The following HS6ST3 variants were observed in gnomAD, a reference collection of about 807,000 sequenced individuals.
HS6ST3 encodes the protein heparan-sulfate 6-O-sulfotransferase 3.
Under a neutral mutation model 36.7 loss-of-function variants are expected in HS6ST3, and 12 were observed. The observed-to-expected ratio is 0.33, with a 90% CI of 0.21 to 0.53. HS6ST3 has a LOEUF of 0.53. HS6ST3 is among the 20% of genes least tolerant of loss of function. The probability of loss-of-function intolerance (pLI) is 0.95; values close to 1 mark genes in which losing one functional copy is unlikely to be tolerated. For synonymous variants in HS6ST3, 240 were observed against 257.5 expected (o/e 0.93, Z 0.65); for missense variants, 584 against 640.9 (o/e 0.91, Z 0.96).
intron 1 of HS6ST3, among the ~76,000 whole-genome samples, chr13:96,174,398 A>G (rs2054203114): frequency 6.6e-6 from 1 of 152,066 alleles, no homozygotes; most frequent in Non-Finnish European, 1.5e-5. Context: ...TTTTTTAGGT[A>G]TTTAATTAAT....
intron 1 of HS6ST3, among the ~76,000 whole-genome samples, chr13:96,162,202 G>A (rs7318247): frequency 0.81 from 123,415 of 152,214 alleles, 50,532 homozygotes; most frequent in East Asian, 0.91. Flanking sequence ...AAAAATTTAA[G>A]TGACGTGGTA....
intron 1 of HS6ST3, among the ~76,000 whole-genome samples, chr13:96,326,180 A>AT (rs35384242): frequency 4.0e-5 from 6 of 149,168 alleles, no homozygotes; most frequent in African/African-American, 9.9e-5. Flanking sequence ...TTTTTTTTTA[A>AT]TTTTTTTTTA....
At chr13:96,503,246 A>G (rs1244432769) in intron 1 of HS6ST3, among the ~76,000 whole-genome samples, 10 of 152,002 alleles carry the variant, frequency 6.6e-5, no homozygotes, top group Admixed American at 5.2e-4. Flanking sequence ...TTTTTGTTAC[A>G]TGCACACCAA....
chr13:96,194,799 A>C, intron 1 of HS6ST3, among the ~76,000 whole-genome samples: 2 of 143,076 alleles, frequency 1.4e-5, no homozygotes, highest in African/African-American at 2.6e-5. Context: ...TCTGGCAACC[A>C]CTGTTCTACT....
chr13:96,450,334 A>G (rs750554769), intron 1 of HS6ST3, among the ~76,000 whole-genome samples: 2 of 152,094 alleles, frequency 1.3e-5, no homozygotes, highest in Non-Finnish European at 2.9e-5. Flanking sequence ...ATTTGTTTTG[A>G]GACTTATTTA....
intron 1 of HS6ST3, among the ~76,000 whole-genome samples, chr13:96,366,356 C>T (rs1054229300): frequency 1.3e-5 from 2 of 151,984 alleles, no homozygotes; most frequent in African/African-American, 2.4e-5. Context: ...ACCCATGCTC[C>T]CAGCTACTTG....
At chr13:96,336,367 C>A (rs760625810) in intron 1 of HS6ST3, among the ~76,000 whole-genome samples, 1 of 152,132 alleles carries the variant, frequency 6.6e-6, no homozygotes, top group African/African-American at 2.4e-5. Context: ...TTGTCATGGG[C>A]TGAATTATGT....
At chr13:96,612,454 GGCTCATAAA>G (rs1440179004) in intron 1 of HS6ST3, among the ~76,000 whole-genome samples, 2 of 151,976 alleles carry the variant, frequency 1.3e-5, no homozygotes, top group South Asian at 4.2e-4. Context: ...CCAATTTCAT[GGCTCATAAA>G]GTTATTTCCA....
At chr13:96,440,429 G>C (rs1015065400) in intron 1 of HS6ST3, among the ~76,000 whole-genome samples, 1 of 137,376 alleles carries the variant, frequency 7.3e-6, no homozygotes, top group Non-Finnish European at 1.6e-5. Flanking sequence ...CTGGGTGACC[G>C]AGAGAGATTC....
chr13:96,733,065 G>A (rs1876200693), intron 1 of HS6ST3, among the ~76,000 whole-genome samples: 1 of 152,114 alleles, frequency 6.6e-6, no homozygotes, highest in South Asian at 2.1e-4. Flanking sequence ...TATATAAGAT[G>A]TGTTACCTGC....
At chr13:96,141,161 G>A (rs554151554) in intron 1 of HS6ST3, among the ~76,000 whole-genome samples, 2 of 152,228 alleles carry the variant, frequency 1.3e-5, no homozygotes, top group African/African-American at 2.4e-5. Context: ...AAATGCAGTC[G>A]GGTTTGTGAT....
chr13:96,222,741 A>C (rs967311592), intron 1 of HS6ST3, among the ~76,000 whole-genome samples: 11 of 152,196 alleles, frequency 7.2e-5, no homozygotes, highest in Admixed American at 2.0e-4. Context: ...TAAATAGTTT[A>C]CACTTAGGAC....
chr13:96,197,346 A>G (rs1343003372), intron 1 of HS6ST3, among the ~76,000 whole-genome samples: 1 of 152,218 alleles, frequency 6.6e-6, no homozygotes, highest in African/African-American at 2.4e-5. Context: ...AGCACAGGAA[A>G]GACAGGCCCC....
intron 1 of HS6ST3, among the ~76,000 whole-genome samples, chr13:96,590,203 A>C (rs117943834): frequency 1.9e-3 from 295 of 152,272 alleles, no homozygotes; most frequent in Non-Finnish European, 2.3e-3. Flanking sequence ...GTTTATACCT[A>C]GTAGTGGGAA....
chr13:96,508,116 C>A (rs2056034020), intron 1 of HS6ST3, among the ~76,000 whole-genome samples: 1 of 152,078 alleles, frequency 6.6e-6, no homozygotes, highest in Non-Finnish European at 1.5e-5. Context: ...CCACCGCCCA[C>A]TATTTTTATG....
intron 1 of HS6ST3, among the ~76,000 whole-genome samples, chr13:96,471,335 G>A (rs2055839276): frequency 6.6e-6 from 1 of 152,106 alleles, no homozygotes; most frequent in African/African-American, 2.4e-5. Flanking sequence ...CTTCTTCTCA[G>A]CATCCTTTTC....
chr13:96,107,805 C>T (rs1287098109), intron 1 of HS6ST3, among the ~76,000 whole-genome samples: 1 of 152,176 alleles, frequency 6.6e-6, no homozygotes, highest in Non-Finnish European at 1.5e-5. Flanking sequence ...ATTTTGTGGA[C>T]ATTTATCACT....
At chr13:96,263,224 A>G (rs1237648222) in intron 1 of HS6ST3, among the ~76,000 whole-genome samples, 1 of 152,186 alleles carries the variant, frequency 6.6e-6, no homozygotes, top group Admixed American at 6.5e-5. Context: ...ACTTATCTTT[A>G]TAATTCAAGG....
chr13:96,616,941 A>T (rs1056368100), intron 1 of HS6ST3, among the ~76,000 whole-genome samples: 1 of 152,348 alleles, frequency 6.6e-6, no homozygotes. Flanking sequence ...AATTCATGAG[A>T]TAATAGTGGT....
Sources: allele counts gnomAD v4.1 joint callset (sites outside exome capture counted in the v4.1 genomes callset), GRCh38; gene constraint gnomAD v4.1.1; transcripts MANE v1.5; gene names NCBI Gene and HGNC (gene_info 2026-07-23, HGNC 2026-07-21).